The following ATG5 variants were observed in gnomAD, a reference collection of about 807,000 sequenced individuals.
The protein encoded by ATG5 is autophagy protein 5.
A neutral mutation model predicts 36.5 loss-of-function variants in ATG5; 14 were observed. The observed-to-expected ratio is 0.38, with a 90% CI of 0.25 to 0.60. The LOEUF is 0.60. Among genes scored for constraint, ATG5 ranks in the 20% least tolerant of loss-of-function variants. The probability of loss-of-function intolerance (pLI) is 0.60; values close to 1 mark genes in which losing one functional copy is unlikely to be tolerated. For synonymous variants in ATG5, 95 were observed against 101.5 expected (o/e 0.94, Z 0.38); for missense variants, 195 against 326.7 (o/e 0.60, Z 3.11).
chr6:106,189,551 G>A (rs1775893987), intron 7 of ATG5, among the ~76,000 whole-genome samples: 1 of 151,892 alleles, frequency 6.6e-6, no homozygotes, highest in Non-Finnish European at 1.5e-5. Flanking sequence ...AGCCCAGGAG[G>A]TCAAGGCTAC....
intron 6 of ATG5, among the ~76,000 whole-genome samples, chr6:106,202,656 C>A (rs1021074273): frequency 2.6e-5 from 4 of 152,092 alleles, no homozygotes; most frequent in Non-Finnish European, 5.9e-5. Flanking sequence ...ATATCCAAAA[C>A]TTAATCTTCT....
At chr6:106,285,836 T>C (rs1003412106) in intron 4 of ATG5, among the ~76,000 whole-genome samples, 2 of 152,204 alleles carry the variant, frequency 1.3e-5, no homozygotes, top group Non-Finnish European at 2.9e-5. Flanking sequence ...CACTTAAAAA[T>C]GTAAAAACTA....
intron 6 of ATG5, among the ~76,000 whole-genome samples, chr6:106,228,198 T>G (rs771615286): frequency 1.3e-5 from 2 of 152,212 alleles, no homozygotes; most frequent in African/African-American, 4.8e-5. Flanking sequence ...TATTAAATCT[T>G]GCAACTGCAC....
At chr6:106,204,654 A>T (rs940644866) in intron 6 of ATG5, among the ~76,000 whole-genome samples, 2 of 151,968 alleles carry the variant, frequency 1.3e-5, no homozygotes, top group Non-Finnish European at 2.9e-5. Context: ...TTCTCATGAG[A>T]TCTGATGGTT....
chr6:106,227,209 G>C (rs1777484011), intron 6 of ATG5, among the ~76,000 whole-genome samples: 1 of 152,148 alleles, frequency 6.6e-6, no homozygotes, highest in South Asian at 2.1e-4. Context: ...AGGGACTTAT[G>C]TACAAAACAT....
intron 6 of ATG5, among the ~76,000 whole-genome samples, chr6:106,245,583 C>T (rs1158634158): frequency 6.6e-6 from 1 of 152,116 alleles, no homozygotes; most frequent in Non-Finnish European, 1.5e-5. Flanking sequence ...TTTGAGGCTT[C>T]AACAAGATAA....
At chr6:106,296,556 G>A (rs907975335) in intron 3 of ATG5, among the ~76,000 whole-genome samples, 11 of 152,288 alleles carry the variant, frequency 7.2e-5, no homozygotes, top group Admixed American at 2.6e-4. Flanking sequence ...GGTGGCTCAC[G>A]CCTGTAATCC....
chr6:106,230,095 A>C (rs1224004197), intron 6 of ATG5, among the ~76,000 whole-genome samples: 1 of 151,706 alleles, frequency 6.6e-6, no homozygotes, highest in Admixed American at 6.6e-5. Flanking sequence ...GTTCCTCCCA[A>C]ATGACTGAGG....
intron 6 of ATG5, among the ~76,000 whole-genome samples, chr6:106,244,620 T>A (rs1466330280): frequency 1.3e-5 from 2 of 152,256 alleles, no homozygotes; most frequent in Admixed American, 1.3e-4. Context: ...TTGCACTGTA[T>A]GTCTCTTCTT....
At chr6:106,295,075 C>G (rs1183607567) in intron 3 of ATG5, among the ~76,000 whole-genome samples, 1 of 151,918 alleles carries the variant, frequency 6.6e-6, no homozygotes, top group Non-Finnish European at 1.5e-5. Flanking sequence ...CACACACACA[C>G]ACATATACAC....
intron 1 of ATG5, among the ~76,000 whole-genome samples, chr6:106,320,285 G>A (rs1272298198): frequency 1.3e-5 from 2 of 152,176 alleles, no homozygotes; most frequent in East Asian, 3.8e-4. Context: ...AGGGGAAAGA[G>A]GAGGGGTTGG....
rs892162595 is a variant in ATG5 at position 106,325,649 on chromosome 6, A to C, written c.-182T>G. The C allele has an allele frequency of 6.5e-6, 1 of 152,848 alleles. No homozygotes were observed. The highest frequency in any genetic ancestry group is 1.5e-5 in the Non-Finnish European group (1 of 68,110). The allele number at this position is 152,848 out of a possible 1,614,324, so 9.5% of individuals were successfully genotyped here. On this transcript the variant is annotated 5_prime_UTR_variant, in exon 1 of 8. Transcript: ENST00000369076. Reference sequence around the variant, plus strand: ...ACACACTGTCCTGCGGGGACGCGGTAGCAGGACTCCAGGAAGCCCGCGCAG... The same window carrying C: ...ACACACTGTCCTGCGGGGACGCGGTCGCAGGACTCCAGGAAGCCCGCGCAG...
Position 106,273,490 on chromosome 6 carries a change from C to T in ATG5, c.478+6171G>A, listed in dbSNP as rs9386520. ...AGAATTAAGGTGTATGTGATTATTG[C>T]TTTACAATCCTTGAATTTGAGTCTT... On this transcript the variant is annotated intron_variant, in intron 5 of 7. Coordinates refer to ENST00000369076, the MANE Select transcript of ATG5 (RefSeq NM_004849.4). Among the ~76,000 whole-genome samples the T allele has an allele frequency of 1.2e-4, 19 of 152,240 alleles. No homozygotes were observed. The East Asian group carries it at 1.7e-3, about 14-fold the overall frequency.
intron 6 of ATG5, among the ~76,000 whole-genome samples, chr6:106,215,512 T>A (rs1184308734): frequency 6.6e-6 from 1 of 152,010 alleles, no homozygotes; most frequent in Admixed American, 6.6e-5. Context: ...TTTTGAAATT[T>A]TTAGAAGTAG....
At chr6:106,208,689 C>G (rs73522619) in intron 6 of ATG5, among the ~76,000 whole-genome samples, 12,848 of 152,196 alleles carry the variant, frequency 0.084, 570 homozygotes, top group South Asian at 0.13. Flanking sequence ...ACAACAACAG[C>G]TAAGCTTTTG....
intron 5 of ATG5, among the ~76,000 whole-genome samples, chr6:106,258,346 C>T (rs1367336038): frequency 6.6e-6 from 1 of 151,796 alleles, no homozygotes; most frequent in African/African-American, 2.4e-5. Flanking sequence ...GCATCTTAGC[C>T]TGGGTGACAG....
rs1005925635 is a variant in ATG5 at position 106,185,755 on chromosome 6, T to A, written c.*785A>T. On this transcript the variant is annotated 3_prime_UTR_variant, in exon 8 of 8. Transcript: ENST00000369076. ...TAGTGTGTAAAGAACACAGGTTTTT[T>A]AATTGGCAGCAAGAAATTCTATGAC... 1 of 152,372 alleles carries A rather than the reference T, an allele frequency of 6.6e-6. No homozygotes were observed. The highest frequency in any genetic ancestry group is 2.4e-5 in the African/African-American group (1 of 41,454). The allele number at this position is 152,372 out of a possible 1,614,324, so 9.4% of individuals were successfully genotyped here.
Position 106,232,599 on chromosome 6 carries a change from G to C in ATG5, c.573+15551C>G, listed in dbSNP as rs190460450. 4.2e-3 allele frequency among the ~76,000 whole-genome samples: 646 copies of C among 152,128 alleles called. 5 individuals are homozygous for C. Among genetic ancestry groups the C allele is most frequent in the African/African-American group, 0.015 (614 of 41,496 alleles). On this transcript the variant is annotated intron_variant, in intron 6 of 7. Coordinates refer to ENST00000369076, the MANE Select transcript of ATG5 (RefSeq NM_004849.4). ...CCCCACCAAAGGCAGTACCCCCTTAGACCCGAGGCTCAACAAGGACTCCAA... is the reference window on the plus strand; with the variant it reads ...CCCCACCAAAGGCAGTACCCCCTTACACCCGAGGCTCAACAAGGACTCCAA...
intron 3 of ATG5, among the ~76,000 whole-genome samples, chr6:106,306,980 T>G (rs186295996): frequency 6.6e-6 from 1 of 152,312 alleles, no homozygotes; most frequent in East Asian, 1.9e-4. Flanking sequence ...GAAAGAATGC[T>G]ATAACAAGAC....
Sources: allele counts gnomAD v4.1 joint callset (sites outside exome capture counted in the v4.1 genomes callset), GRCh38; gene constraint gnomAD v4.1.1; transcripts MANE v1.5; gene names NCBI Gene and HGNC (gene_info 2026-07-23, HGNC 2026-07-21).